Variants in PDE4D observed in about 807,000 individuals in gnomAD.
The protein encoded by PDE4D is 3',5'-cyclic-AMP phosphodiesterase 4D.
Under a neutral mutation model 87.4 loss-of-function variants are expected in PDE4D, and 24 were observed. That is an observed-to-expected ratio of 0.27 (90% CI 0.20 to 0.39). The LOEUF is 0.39. Among genes scored for constraint, PDE4D ranks in the 10% least tolerant of loss-of-function variants. The pLI is 1.00. For missense variants in PDE4D, 714 were observed against 1,041.0 expected (o/e 0.69, Z 4.32); for synonymous variants, 384 against 383.2 (o/e 1.00, Z -0.02).
At chr5:59,185,028 A>C (rs1037550662) in intron 4 of PDE4D, among the ~76,000 whole-genome samples, 161 bp downstream of exon 4, 10 of 152,194 alleles carry the variant, frequency 6.6e-5, no homozygotes, top group Non-Finnish European at 1.5e-4. Context: ...CATCACCACG[A>C]AGTATTTATA....
At chr5:60,287,651 T>A (rs536782287) in intron 1 of PDE4D, among the ~76,000 whole-genome samples, 17 of 152,324 alleles carry the variant, frequency 1.1e-4, no homozygotes, top group Middle Eastern at 3.4e-3. Flanking sequence ...CAAATGCCAC[T>A]TCTTCCTAAT....
intron 1 of PDE4D, among the ~76,000 whole-genome samples, chr5:60,468,212 T>C (rs1747538979): frequency 2.0e-5 from 3 of 151,618 alleles, no homozygotes; most frequent in Admixed American, 2.0e-4. Flanking sequence ...GATTTCTGCT[T>C]ACTGCAGCCT....
At chr5:59,545,969 C>T (rs1817202164) in intron 1 of PDE4D, among the ~76,000 whole-genome samples, 1 of 152,124 alleles carries the variant, frequency 6.6e-6, no homozygotes, top group African/African-American at 2.4e-5. Context: ...AACCCTGAGT[C>T]CACCCCTTCG....
intron 1 of PDE4D, among the ~76,000 whole-genome samples, chr5:59,427,806 A>G (rs1265199515): frequency 6.7e-6 from 1 of 148,606 alleles, no homozygotes; most frequent in Admixed American, 6.7e-5. Context: ...CAACAGACAC[A>G]GACCCTGTCT....
At chr5:60,060,169 C>A (rs530125726) in intron 2 of PDE4D, among the ~76,000 whole-genome samples, 1 of 152,038 alleles carries the variant, frequency 6.6e-6, no homozygotes, top group East Asian at 1.9e-4. Flanking sequence ...TCACAAAGTT[C>A]TCTCTCTCTT....
intron 1 of PDE4D, among the ~76,000 whole-genome samples, chr5:60,423,686 A>C: frequency 6.6e-6 from 1 of 152,202 alleles, no homozygotes; most frequent in African/African-American, 2.4e-5. Context: ...ACAAGAAATA[A>C]CTAAGATCAG....
chr5:60,073,166 A>G (rs1772915383), intron 2 of PDE4D, among the ~76,000 whole-genome samples: 1 of 151,926 alleles, frequency 6.6e-6, no homozygotes, highest in Admixed American at 6.6e-5. Context: ...GATAACTCTT[A>G]TTTTTCTGAG....
intron 1 of PDE4D, among the ~76,000 whole-genome samples, chr5:60,361,847 C>T (rs891140389): frequency 1.6e-4 from 25 of 152,186 alleles, no homozygotes; most frequent in African/African-American, 5.8e-4. Context: ...ATCCACATCA[C>T]AGTCGCACAT....
intron 1 of PDE4D, among the ~76,000 whole-genome samples, chr5:59,566,330 A>C (rs566266605): frequency 1.3e-4 from 20 of 152,106 alleles, no homozygotes; most frequent in South Asian, 2.1e-4. Context: ...CCTTTATATT[A>C]AACATTTGTT....
intron 1 of PDE4D, among the ~76,000 whole-genome samples, chr5:60,463,999 A>G (rs540059351): frequency 6.6e-6 from 1 of 152,300 alleles, no homozygotes; most frequent in African/African-American, 2.4e-5. Context: ...TTAAAATGAA[A>G]TTTTAACCCA....
intron 2 of PDE4D, among the ~76,000 whole-genome samples, chr5:60,065,002 C>T (rs962133882): frequency 1.3e-5 from 2 of 152,156 alleles, no homozygotes; most frequent in Non-Finnish European, 1.5e-5. Context: ...AAAGCCTATG[C>T]TGTAATGTAG....
intron 1 of PDE4D, among the ~76,000 whole-genome samples, chr5:59,793,742 T>A (rs1766094395): frequency 6.6e-6 from 1 of 152,228 alleles, no homozygotes; most frequent in African/African-American, 2.4e-5. Context: ...GGATTAGACC[T>A]TCTGATCAAC....
At chr5:59,798,841 G>A (rs1766799797) in intron 1 of PDE4D, among the ~76,000 whole-genome samples, 1 of 152,174 alleles carries the variant, frequency 6.6e-6, no homozygotes, top group Admixed American at 6.5e-5. Context: ...GTTCTACCTT[G>A]AGCCTCTGTG....
chr5:59,398,598 T>C (rs1322865410), intron 1 of PDE4D, among the ~76,000 whole-genome samples: 2 of 116,958 alleles, frequency 1.7e-5, no homozygotes, highest in Non-Finnish European at 3.6e-5. Flanking sequence ...ATAAGAGCTA[T>C]CTATGACAAA....
At chr5:59,272,292 G>A (rs187768912) in intron 1 of PDE4D, among the ~76,000 whole-genome samples, 829 of 151,988 alleles carry the variant, frequency 5.5e-3, no homozygotes, top group Non-Finnish European at 8.6e-3. Context: ...TAAATCACAA[G>A]TCTTAATTAC....
At chr5:59,169,586 T>C (rs1782444460) in intron 5 of PDE4D, among the ~76,000 whole-genome samples, 2 of 152,194 alleles carry the variant, frequency 1.3e-5, no homozygotes, top group South Asian at 2.1e-4. Context: ...GTATCTTCTT[T>C]CACTAATCGT....
At chr5:60,382,668 T>C (rs1761946473) in intron 1 of PDE4D, among the ~76,000 whole-genome samples, 1 of 152,226 alleles carries the variant, frequency 6.6e-6, no homozygotes, top group Admixed American at 6.5e-5. Context: ...CCCAAGTTTA[T>C]GACCTCAGGT....
intron 5 of PDE4D, among the ~76,000 whole-genome samples, chr5:59,062,415 A>G (rs1160175274): frequency 2.0e-5 from 3 of 152,140 alleles, no homozygotes; most frequent in Non-Finnish European, 4.4e-5. Flanking sequence ...CTGTTCCTCT[A>G]TAGCTCAGTA....
chr5:59,613,597 C>T lies in PDE4D; in HGVS notation c.455+279571G>A, dbSNP rs957044048. Among the ~76,000 whole-genome samples the T allele has an allele frequency of 5.9e-5, 9 of 152,010 alleles. No homozygotes were observed. In the East Asian group the frequency reaches 1.7e-3, roughly 29 times the overall value. On this transcript the variant is annotated intron_variant, in intron 1 of 14. Transcript: ENST00000340635. ...GCAGCAAAGGAGGATGCAGAGTCCT[C>T]AAGGGAAAAGGGGGAAAGCCAGGGG... is the stretch of plus-strand genomic sequence containing the variant.
Sources: gnomAD v4.1 joint callset for allele counts (sites outside exome capture counted in the v4.1 genomes callset) on GRCh38, gnomAD v4.1.1 for gene constraint, MANE v1.5 for transcripts, NCBI Gene and HGNC (gene_info 2026-07-23, HGNC 2026-07-21) for gene names.